LRP1B: variants seen among roughly 807,000 people sequenced by gnomAD.
LRP1B encodes the protein low-density lipoprotein receptor-related protein 1B.
Under a neutral mutation model 556.6 loss-of-function variants are expected in LRP1B, and 217 were observed. The ratio of observed to expected loss-of-function variants is 0.39; its 90% confidence interval spans 0.35 to 0.44. The LOEUF is 0.44. Among genes scored for constraint, LRP1B ranks in the 20% least tolerant of loss-of-function variants. The pLI, the probability that LRP1B is intolerant of heterozygous loss-of-function variation, is 1.00. For synonymous variants in LRP1B, 2,047 were observed against 1,865.8 expected, an observed-to-expected ratio of 1.10 and a Z score of -2.50; for missense variants, 5,053 against 5,620.8, an observed-to-expected ratio of 0.90 and a Z score of 3.23.
Position 141,254,625 on chromosome 2 carries a change from G to A in LRP1B, c.360C>T (p.Cys120=), listed in dbSNP as rs1227880917. The A allele has an allele frequency of 6.2e-6, 10 of 1,608,500 alleles. No homozygotes were observed. Among genetic ancestry groups the A allele is most frequent in the Non-Finnish European group, 8.5e-6 (10 of 1,176,186 alleles). The change falls in exon 4 of 91, where the codon TGC becomes TGT. Residue 120 remains cysteine, a synonymous_variant. Coordinates refer to ENST00000389484, the MANE Select transcript of LRP1B (RefSeq NM_018557.3). ...GVHCQELLSN[C]QQLNCQYKCT... The stretch of plus-strand genomic sequence containing the variant: ...ATTTATACTGACAATTCAGCTGTTG[G>A]CAATTGGATAACAGTTCTGTAGAGA...
chr2:141,406,618 T>C (rs1298428898), intron 3 of LRP1B, among the ~76,000 whole-genome samples: 2 of 151,918 alleles, frequency 1.3e-5, no homozygotes, highest in Non-Finnish European at 2.9e-5. Flanking sequence ...ATTATATGTG[T>C]TTATTTAAAT....
At chr2:141,047,108 A>G (rs1027365147) in intron 11 of LRP1B, among the ~76,000 whole-genome samples, 1 of 151,796 alleles carries the variant, frequency 6.6e-6, no homozygotes, top group East Asian at 1.9e-4. Flanking sequence ...CTGGGTCAAA[A>G]ACAAAACAAC....
chr2:140,305,864 G>C (rs1018598607), intron 83 of LRP1B, among the ~76,000 whole-genome samples: 1 of 151,766 alleles, frequency 6.6e-6, no homozygotes, highest in Admixed American at 6.6e-5. Flanking sequence ...TAGCATGAAG[G>C]GCTGTTGAAT....
chr2:141,032,826 C>CATACATATATATATATATATATATAT, intron 11 of LRP1B, among the ~76,000 whole-genome samples: 65 of 126,656 alleles, frequency 5.1e-4, no homozygotes, highest in Non-Finnish European at 6.2e-4. Context: ...TATATACATA[C>CATACATATATATATATATATATATAT]ATATATATAT....
chr2:140,833,047 G>A (rs554187498), intron 31 of LRP1B, among the ~76,000 whole-genome samples: 1 of 152,096 alleles, frequency 6.6e-6, no homozygotes, highest in Non-Finnish European at 1.5e-5. Flanking sequence ...CCCAATATAA[G>A]TGAGGGTATG....
At chr2:140,629,195 A>T (rs1683788082) in intron 41 of LRP1B, among the ~76,000 whole-genome samples, 2 of 150,104 alleles carry the variant, frequency 1.3e-5, no homozygotes, top group Admixed American at 6.6e-5. Context: ...GTGGGACAAC[A>T]GTTGTGCACC....
rs748980160 is a variant in LRP1B at position 140,370,813 on chromosome 2, A to T, written c.10905T>A (p.Asp3635Glu). 16 of 1,612,590 alleles carry T rather than the reference A, an allele frequency of 9.9e-6. No homozygotes were observed. In the Admixed American group the frequency reaches 2.5e-4, roughly 25 times the overall value. ...EMDCVTECKE[D>E]QFRCKNKAHC... is the part of the protein sequence containing the mutation. ...GGGCTTTATTTTTGCACCGAAACTG[A>T]TCTTCCTTACATTCAGTCACACAGT... The change falls in exon 71 of 91, where the codon GAT becomes GAA. Residue 3635 changes from aspartate to glutamate, a missense_variant. By Grantham distance (45) the Asp-to-Glu change is conservative (BLOSUM62 2). Coordinates refer to ENST00000389484, the MANE Select transcript of LRP1B (RefSeq NM_018557.3).
At chr2:140,403,751 T>C (rs563248858) in intron 66 of LRP1B, among the ~76,000 whole-genome samples, 1 of 152,286 alleles carries the variant, frequency 6.6e-6, no homozygotes, top group South Asian at 2.1e-4. Flanking sequence ...GAGATTTAGA[T>C]ATTCAAGTAC....
rs377639161 is a variant in LRP1B, at chr2:140,601,645, G to A, written c.6800-6C>T. The A allele has an allele frequency of 6.5e-7, 1 of 1,550,088 alleles. No individual in the cohort carries two copies. The highest frequency in any genetic ancestry group is 8.7e-7 in the Non-Finnish European group (1 of 1,144,218). ...TCCTTCCACAGAACCCACATCTAGT[G>A]GGGGAAGAAAAAGAAAAAATATATA... is the stretch of plus-strand genomic sequence containing the variant. On this transcript the variant is annotated splice_region_variant and splice_polypyrimidine_tract_variant and intron_variant, in intron 41 of 90. Transcript: ENST00000389484.
At chr2:142,114,851 G>A (rs1393448648) in intron 1 of LRP1B, among the ~76,000 whole-genome samples, 1 of 152,012 alleles carries the variant, frequency 6.6e-6, no homozygotes, top group Non-Finnish European at 1.5e-5. Flanking sequence ...ACAATAGGGT[G>A]ACTATAGTTA....
intron 21 of LRP1B, among the ~76,000 whole-genome samples, chr2:140,909,217 T>A (rs1216260158): frequency 6.6e-6 from 1 of 152,204 alleles, no homozygotes; most frequent in South Asian, 2.1e-4. Flanking sequence ...ATACATTTTT[T>A]AAATGTACCT....
intron 41 of LRP1B, among the ~76,000 whole-genome samples, chr2:140,630,537 G>A (rs1683840750): frequency 6.6e-6 from 1 of 152,168 alleles, no homozygotes; most frequent in Non-Finnish European, 1.5e-5. Flanking sequence ...CAACTTGGAT[G>A]AATTGCTGGA....
chr2:141,162,505 C>A (rs947094790), intron 7 of LRP1B, among the ~76,000 whole-genome samples: 3 of 152,010 alleles, frequency 2.0e-5, no homozygotes, highest in Admixed American at 2.0e-4. Context: ...ATACTGCCTG[C>A]GGTACTATGA....
At chr2:141,301,572 C>A (rs977530396) in intron 3 of LRP1B, among the ~76,000 whole-genome samples, 2 of 152,130 alleles carry the variant, frequency 1.3e-5, no homozygotes, top group African/African-American at 4.8e-5. Flanking sequence ...ATGAGGTACA[C>A]TTTCTTATTC....
intron 68 of LRP1B, among the ~76,000 whole-genome samples, chr2:140,377,311 G>A (rs886666096): frequency 5.3e-5 from 8 of 152,014 alleles, no homozygotes; most frequent in Admixed American, 5.2e-4. Flanking sequence ...TCCTGACCTC[G>A]TGATCCACCC....
chr2:141,312,878 A>C (rs1011032764), intron 3 of LRP1B, among the ~76,000 whole-genome samples: 1 of 151,956 alleles, frequency 6.6e-6, no homozygotes, highest in Non-Finnish European at 1.5e-5. Context: ...ACGGGGTTTC[A>C]CCATGTTGGT....
intron 41 of LRP1B, among the ~76,000 whole-genome samples, chr2:140,655,719 G>A (rs1684855084): frequency 6.6e-6 from 1 of 152,182 alleles, no homozygotes; most frequent in Admixed American, 6.5e-5. Context: ...GAGGCGGGTG[G>A]ATCACGAGGT....
At chr2:140,762,023 G>GAGTCTC (rs1202353216) in intron 35 of LRP1B, among the ~76,000 whole-genome samples, 1 of 151,818 alleles carries the variant, frequency 6.6e-6, no homozygotes, top group Non-Finnish European at 1.5e-5. Context: ...CTAACTATCT[G>GAGTCTC]AGTCTCAGAT....
intron 29 of LRP1B, among the ~76,000 whole-genome samples, chr2:140,847,802 T>C (rs990140683): frequency 8.6e-5 from 13 of 151,794 alleles, no homozygotes; most frequent in African/African-American, 3.1e-4. Flanking sequence ...AATGTTCCAA[T>C]ATTTTTCAAA....
Sources: allele counts gnomAD v4.1 joint callset (sites outside exome capture counted in the v4.1 genomes callset), GRCh38; gene constraint gnomAD v4.1.1; transcripts MANE v1.5; gene names NCBI Gene and HGNC (gene_info 2026-07-23, HGNC 2026-07-21).